The following SNTN variants were observed in gnomAD, a reference collection of about 807,000 sequenced individuals.
The protein encoded by SNTN is sentan.
SNTN carries 13 observed loss-of-function variants against 12.3 expected under a neutral mutation model. The observed-to-expected ratio is 1.05, with a 90% CI of 0.69 to 1.67. The LOEUF (loss-of-function observed/expected upper bound fraction) is 1.67. Among genes scored for constraint, SNTN ranks in the 40% most tolerant of loss-of-function variants. SNTN has a pLI of 0.00. For missense variants in SNTN, 189 were observed against 169.8 expected (o/e 1.11, Z -0.63); for synonymous variants, 69 against 58.5 (o/e 1.18, Z -0.82).
intron 2 of SNTN, among the ~76,000 whole-genome samples, chr3:63,655,417 A>G (rs1248573366): frequency 6.6e-6 from 1 of 152,210 alleles, no homozygotes; most frequent in African/African-American, 2.4e-5. Flanking sequence ...TTTCCCTCCT[A>G]GATGACTAGC....
chr3:63,654,893 G>T (rs1700660083), intron 2 of SNTN, 97 bp downstream of exon 2: 7 of 1,077,336 alleles, frequency 6.5e-6, no homozygotes, highest in Non-Finnish European at 6.9e-6. Context: ...GAATGCCAGA[G>T]ATGTAAGGGA....
intron 2 of SNTN, among the ~76,000 whole-genome samples, chr3:63,658,573 T>TA (rs911098474): frequency 4.0e-5 from 6 of 148,336 alleles, no homozygotes; most frequent in South Asian, 2.2e-4. Context: ...GTTTTTTAAT[T>TA]AAAAAAAAAA....
chr3:63,661,891 A>T (rs1274143879), intron 3 of SNTN, among the ~76,000 whole-genome samples: 1 of 152,178 alleles, frequency 6.6e-6, no homozygotes, highest in Non-Finnish European at 1.5e-5. Flanking sequence ...TGAAGAACTA[A>T]TGGATGCACC....
At chr3:63,657,743 C>A (rs1436882517) in intron 2 of SNTN, among the ~76,000 whole-genome samples, 1 of 152,194 alleles carries the variant, frequency 6.6e-6, no homozygotes, top group African/African-American at 2.4e-5. Flanking sequence ...ATTCCACAAT[C>A]ACGATGGGGA....
chr3:63,662,500 G>A (rs1363198217), intron 3 of SNTN, among the ~76,000 whole-genome samples: 1 of 152,184 alleles, frequency 6.6e-6, no homozygotes, highest in Non-Finnish European at 1.5e-5. Context: ...AGAAAATGGT[G>A]TGCTCTTAAA....
At chr3:63,663,558 A>G in intron 3 of SNTN, 1 of 195,098 alleles carries the variant, frequency 5.1e-6, no homozygotes, top group Non-Finnish European at 1.1e-5. Flanking sequence ...TTTCTTGAAT[A>G]AATGAATGCC....
intron 3 of SNTN, among the ~76,000 whole-genome samples, chr3:63,661,368 A>C (rs1417550455): frequency 6.6e-6 from 1 of 152,196 alleles, no homozygotes; most frequent in Non-Finnish European, 1.5e-5. Flanking sequence ...TATTCTCTCT[A>C]TATATGCACA....
Position 63,657,796 on chromosome 3 carries a change from G to A in SNTN, c.146-1929G>A, listed in dbSNP as rs573129369. On this transcript the variant is annotated intron_variant, in intron 2 of 3. Transcript: ENST00000343837. ...ACTCCTAAGTGGCTAATCTTTCTATGGACTTTGAAGTCAAAGATTTCATAT... is the reference window on the plus strand; with the variant it reads ...ACTCCTAAGTGGCTAATCTTTCTATAGACTTTGAAGTCAAAGATTTCATAT... 7.9e-5 allele frequency among the ~76,000 whole-genome samples: 12 copies of A among 152,240 alleles called. No homozygotes were observed. In the South Asian group the frequency reaches 2.3e-3, roughly 29 times the overall value.
At position 63,654,048 on chromosome 3, in the gene SNTN, C is replaced by T. The variant is rs1370230931; in HGVS notation, c.111-714C>T. On this transcript the variant is annotated intron_variant, in intron 1 of 3. Coordinates refer to ENST00000343837, the MANE Select transcript of SNTN (RefSeq NM_001080537.2). ...TGATTCATTAGGCTCAGGCAGAGTG[C>T]CATTACCCTCACTGTAGACTAGGTT... Among the ~76,000 whole-genome samples the T allele has an allele frequency of 2.0e-5, 3 of 152,222 alleles. No homozygotes were observed. The East Asian group carries it at 5.8e-4, about 29-fold the overall frequency.
At chr3:63,652,871 A>G (rs575712135) in intron 1 of SNTN, 74 bp downstream of exon 1, 28 of 1,410,712 alleles carry the variant, frequency 2.0e-5, no homozygotes, top group Middle Eastern at 3.5e-4. Flanking sequence ...GTTTATGTCA[A>G]CAGCTTTATA....
rs1700785219 is a variant in SNTN at position 63,664,860 on chromosome 3, C to T, written c.*765C>T. 6.6e-6 allele frequency: 1 copy of T among 152,220 alleles called. No homozygotes were observed. Among genetic ancestry groups the T allele is most frequent in the African/African-American group, 2.4e-5 (1 of 41,450 alleles). The allele number at this position is 152,220 out of a possible 1,614,324, so 9.4% of individuals were successfully genotyped here. On this transcript the variant is annotated 3_prime_UTR_variant, in exon 4 of 4. Coordinates refer to ENST00000343837, the MANE Select transcript of SNTN (RefSeq NM_001080537.2). Reference sequence around the variant, plus strand: ...CTCGATCTCCCAGGTTCAAGTGATTCTCCTGCCTCAGCCTCCTGAGTAGCT... The same window carrying T: ...CTCGATCTCCCAGGTTCAAGTGATTTTCCTGCCTCAGCCTCCTGAGTAGCT...
chr3:63,664,340 G>T lies in SNTN; in HGVS notation c.*245G>T. ...ATTTGATACCACTGAATAATAAATG[G>T]CTTTTGCTGAGTCAGTAGCGACCTA... On this transcript the variant is annotated 3_prime_UTR_variant, in exon 4 of 4. Coordinates refer to ENST00000343837, the MANE Select transcript of SNTN (RefSeq NM_001080537.2). 1 of 375,468 alleles carries T rather than the reference G, an allele frequency of 2.7e-6. No homozygotes were observed. Among genetic ancestry groups the T allele is most frequent in the Non-Finnish European group, 4.8e-6 (1 of 210,212 alleles). The allele number at this position is 375,468 out of a possible 1,614,324, so 23.3% of individuals were successfully genotyped here.
chr3:63,656,373 A>G (rs1296310400), intron 2 of SNTN, among the ~76,000 whole-genome samples: 1 of 152,192 alleles, frequency 6.6e-6, no homozygotes, highest in Non-Finnish European at 1.5e-5. Flanking sequence ...CAAAGAATAT[A>G]TAGTCCAATG....
rs142527799 is a variant in SNTN, at chr3:63,657,189, A to G, written c.145+2393A>G. On this transcript the variant is annotated intron_variant, in intron 2 of 3. Coordinates refer to ENST00000343837, the MANE Select transcript of SNTN (RefSeq NM_001080537.2). ...TACTTGTTGGATGGATAGAGTATGCAGCGACTACACACAGTTCAGTATTAT... is the reference window on the plus strand; with the variant it reads ...TACTTGTTGGATGGATAGAGTATGCGGCGACTACACACAGTTCAGTATTAT... Among the ~76,000 whole-genome samples, 808 of 152,342 alleles carry G rather than the reference A, an allele frequency of 5.3e-3. 9 individuals carry two copies. Among genetic ancestry groups the G allele is most frequent in the South Asian group, 0.01 (50 of 4,826 alleles).
At chr3:63,660,328 C>T (rs370553561) in intron 3 of SNTN, among the ~76,000 whole-genome samples, 3 of 151,738 alleles carry the variant, frequency 2.0e-5, no homozygotes, top group East Asian at 3.9e-4. Context: ...GCTGGGGAGG[C>T]GAGGAGAAGC....
At chr3:63,659,384 G>A (rs897839867) in intron 2 of SNTN, among the ~76,000 whole-genome samples, 8 of 152,236 alleles carry the variant, frequency 5.3e-5, no homozygotes, top group East Asian at 3.9e-4. Flanking sequence ...ACTGAGCCTC[G>A]TCCATAGTAC....
chr3:63,662,352 C>T (rs1045137837), intron 3 of SNTN, among the ~76,000 whole-genome samples: 5 of 152,164 alleles, frequency 3.3e-5, no homozygotes, highest in African/African-American at 9.7e-5. Context: ...GGAACATTGC[C>T]TTTCCCATAA....
chr3:63,656,662 T>G (rs1180336735), intron 2 of SNTN, among the ~76,000 whole-genome samples: 1 of 152,176 alleles, frequency 6.6e-6, no homozygotes, highest in Non-Finnish European at 1.5e-5. Context: ...GTGGCTCAAA[T>G]TATTTTTGGT....
At chr3:63,657,229 T>G (rs1443275550) in intron 2 of SNTN, among the ~76,000 whole-genome samples, 1 of 152,098 alleles carries the variant, frequency 6.6e-6, no homozygotes, top group Non-Finnish European at 1.5e-5. Flanking sequence ...GTACTGACAG[T>G]GAGCTAGGGA....
Sources: gnomAD v4.1 joint callset for allele counts (sites outside exome capture counted in the v4.1 genomes callset) on GRCh38, gnomAD v4.1.1 for gene constraint, MANE v1.5 for transcripts, NCBI Gene and HGNC (gene_info 2026-07-23, HGNC 2026-07-21) for gene names.